The following PCDH11X variants were observed in gnomAD, a reference collection of about 807,000 sequenced individuals.
The protein encoded by PCDH11X is protocadherin-11 X-linked.
In PCDH11X, 18 loss-of-function variants were observed where a neutral mutation model predicts 53.3. The ratio of observed to expected loss-of-function variants is 0.34; its 90% confidence interval spans 0.23 to 0.50. The LOEUF is 0.50. PCDH11X is among the 20% of genes least tolerant of loss of function. The pLI is 0.98. For synonymous variants in PCDH11X, 279 were observed against 393.3 expected (o/e 0.71, Z 3.44); for missense variants, 570 against 1,032.4 (o/e 0.55, Z 6.14).
At chrX:91,919,549 C>G (rs1941678288) in intron 6 of PCDH11X, among the ~76,000 whole-genome samples, 1 of 110,919 alleles carries the variant, frequency 9.0e-6, no homozygotes, top group African/African-American at 3.3e-5. Flanking sequence ...ACATCCTCAC[C>G]AAAGCTTTTG....
chrX:91,792,759 A>C (rs745328976), intron 1 of PCDH11X, among the ~76,000 whole-genome samples: 52 of 111,829 alleles, frequency 4.6e-4, no homozygotes, highest in African/African-American at 1.7e-3. Flanking sequence ...CACTTTGAGA[A>C]CATGATATAC....
intron 9 of PCDH11X, among the ~76,000 whole-genome samples, chrX:92,428,986 A>T (rs1270991267): frequency 1.8e-5 from 2 of 111,463 alleles, no homozygotes; most frequent in African/African-American, 6.5e-5. Flanking sequence ...CCTCAATGTG[A>T]CCAAATCCAT....
chrX:92,203,273 G>C (rs1452541666), intron 7 of PCDH11X, among the ~76,000 whole-genome samples: 5 of 112,364 alleles, frequency 4.4e-5, no homozygotes, highest in Non-Finnish European at 9.4e-5. Context: ...TGGAATGGAA[G>C]GAGGATCATG....
rs1259761738 is a variant in PCDH11X, at chrX:91,920,336, C to A, written c.3033+41063C>A. The stretch of plus-strand genomic sequence containing the variant: ...CAATGGTGGATAAAATAGGGCCACA[C>A]TATACTGTTCCAGAAGCATTTTCTC... On this transcript the variant is annotated intron_variant, in intron 6 of 10. Coordinates refer to ENST00000682573, the MANE Select transcript of PCDH11X (RefSeq NM_032968.5). Among the ~76,000 whole-genome samples the A allele has an allele frequency of 4.5e-5, 5 of 110,011 alleles. No homozygotes were observed. The Admixed American group carries it at 4.9e-4, about 11-fold the overall frequency.
chrX:92,242,198 G>T (rs148050158), intron 7 of PCDH11X, among the ~76,000 whole-genome samples: 1,728 of 110,274 alleles, frequency 0.016, 31 homozygotes, highest in African/African-American at 0.055. Context: ...TTCTTTATGC[G>T]TAACCTCTGA....
rs748024343 is a variant in PCDH11X, at chrX:92,496,430, C to T, written c.3367+28108C>T. On this transcript the variant is annotated intron_variant, in intron 10 of 10. Coordinates refer to ENST00000682573, the MANE Select transcript of PCDH11X (RefSeq NM_032968.5). ...TTATGTAGGCCATCTAGGAATTAAT[C>T]GTTGGAGGAAAAGTAACTCTTAGGT... is the stretch of plus-strand genomic sequence containing the variant. 1.1e-4 allele frequency among the ~76,000 whole-genome samples: 12 copies of T among 107,346 alleles called. 1 individual carries two copies. Among genetic ancestry groups the T allele is most frequent in the African/African-American group, 2.2e-4 (6 of 27,476 alleles). 93.2% of individuals were successfully genotyped at this position (107,346 alleles called of 115,157 possible). A position where few individuals can be genotyped will look rare whatever the true frequency, so the allele number is the denominator to read the frequency against.
At chrX:92,398,860 C>T (rs2071308745) in intron 9 of PCDH11X, among the ~76,000 whole-genome samples, 1 of 110,004 alleles carries the variant, frequency 9.1e-6, no homozygotes, top group Non-Finnish European at 1.9e-5. Flanking sequence ...AATGAAAGTG[C>T]ATGTATTTGT....
At chrX:92,126,133 AAAAAT>A (rs1466150803) in intron 6 of PCDH11X, among the ~76,000 whole-genome samples, 13 of 109,891 alleles carry the variant, frequency 1.2e-4, no homozygotes, top group East Asian at 2.9e-4. Context: ...GTCTCAAAAA[AAAAAT>A]AAAATAAAAT....
intron 8 of PCDH11X, among the ~76,000 whole-genome samples, chrX:92,275,484 C>T (rs1321360674): frequency 1.8e-5 from 2 of 111,217 alleles, no homozygotes; most frequent in Non-Finnish European, 3.8e-5. Context: ...GTGTCAGGGT[C>T]AGTCTAAGTG....
At chrX:91,892,014 T>G (rs1342401384) in intron 6 of PCDH11X, among the ~76,000 whole-genome samples, 7 of 60,130 alleles carry the variant, frequency 1.2e-4, no homozygotes, top group Non-Finnish European at 1.6e-4. Context: ...ATTAGAGGGG[T>G]GTGTGTGTGT....
chrX:92,367,643 C>T (rs987080297), intron 8 of PCDH11X, among the ~76,000 whole-genome samples: 2 of 111,639 alleles, frequency 1.8e-5, no homozygotes, highest in East Asian at 2.8e-4. Context: ...CTGGTTTTTC[C>T]TTTCAATATT....
intron 7 of PCDH11X, among the ~76,000 whole-genome samples, chrX:92,221,879 C>T: frequency 9.1e-6 from 1 of 110,319 alleles, no homozygotes; most frequent in South Asian, 3.9e-4. Context: ...TCTTGTTGCC[C>T]AGGCTGGATG....
intron 6 of PCDH11X, among the ~76,000 whole-genome samples, chrX:91,968,537 T>G (rs951721158): frequency 9.0e-6 from 1 of 111,460 alleles, no homozygotes; most frequent in African/African-American, 3.3e-5. Context: ...AAAAGTGATT[T>G]ATTTATTTTT....
chrX:92,551,918 A>G (rs2074962185), intron 10 of PCDH11X, among the ~76,000 whole-genome samples: 1 of 101,098 alleles, frequency 9.9e-6, no homozygotes, highest in African/African-American at 3.6e-5. Context: ...TGTCTGTTTT[A>G]ATGCCACCAG....
At chrX:92,227,029 T>C (rs2066984443) in intron 7 of PCDH11X, among the ~76,000 whole-genome samples, 1 of 111,806 alleles carries the variant, frequency 8.9e-6, no homozygotes, top group South Asian at 3.7e-4. Flanking sequence ...GTACTTTTAG[T>C]AATTAACAGA....
At chrX:92,090,494 C>T (rs1359980243) in intron 6 of PCDH11X, among the ~76,000 whole-genome samples, 3 of 111,437 alleles carry the variant, frequency 2.7e-5, no homozygotes, top group Non-Finnish European at 5.6e-5. Flanking sequence ...ATCAATACTC[C>T]AACTTTAACT....
intron 9 of PCDH11X, among the ~76,000 whole-genome samples, chrX:92,400,399 A>C (rs1182934261): frequency 9.1e-6 from 1 of 110,287 alleles, no homozygotes; most frequent in Middle Eastern, 4.7e-3. Flanking sequence ...AAGCCAAGAA[A>C]GTCACAGGAA....
rs1290355473 is a variant in PCDH11X, at chrX:92,316,303, G to A, written c.3144+53160G>A. 2.7e-5 allele frequency among the ~76,000 whole-genome samples: 3 copies of A among 111,214 alleles called. No individual in the cohort carries two copies. In the Admixed American group the frequency reaches 2.9e-4, roughly 11 times the overall value. On this transcript the variant is annotated intron_variant, in intron 8 of 10. Coordinates refer to ENST00000682573, the MANE Select transcript of PCDH11X (RefSeq NM_032968.5). ...GTAGAAATAACTGTCTGGGAAAACC[G>A]TGAAAGCATAAAATCGCATAAGATG...
intron 6 of PCDH11X, among the ~76,000 whole-genome samples, chrX:91,997,049 C>T (rs185124620): frequency 0.012 from 1,174 of 102,063 alleles, 25 homozygotes; most frequent in African/African-American, 0.041. Context: ...TATATAAATT[C>T]GCAACTGGTA....
Sources: allele counts gnomAD v4.1 joint callset (sites outside exome capture counted in the v4.1 genomes callset), GRCh38; gene constraint gnomAD v4.1.1; transcripts MANE v1.5; gene names NCBI Gene and HGNC (gene_info 2026-07-23, HGNC 2026-07-21).